Variants in AFG2A observed in about 807,000 individuals in gnomAD.
AFG2A encodes ATPase family gene 2 protein homolog A.
chr4:123,075,361 C>A, the AFG2A span, among the ~76,000 whole-genome samples: 3 of 151,180 alleles, frequency 2.0e-5, no homozygotes, highest in Non-Finnish European at 4.4e-5. Context: ...ATGATTTACG[C>A]AATCTTGGCT....
chr4:122,929,301 A>G, the AFG2A span: 1 of 1,346,916 alleles, frequency 7.4e-7, no homozygotes, highest in Non-Finnish European at 9.8e-7. Context: ...TTCTTGTAAC[A>G]TTTTAAAAAG....
chr4:123,254,278 C>G, the AFG2A span, among the ~76,000 whole-genome samples: 1 of 151,972 alleles, frequency 6.6e-6, no homozygotes, highest in Non-Finnish European at 1.5e-5. Flanking sequence ...TCATACATTT[C>G]AAGTTTATTT....
chr4:123,038,212 C>T, the AFG2A span, among the ~76,000 whole-genome samples: 1 of 152,088 alleles, frequency 6.6e-6, no homozygotes, highest in Non-Finnish European at 1.5e-5. Flanking sequence ...AATTACTTCA[C>T]CTCTTTGCAC....
chr4:122,987,068 A>G, the AFG2A span, among the ~76,000 whole-genome samples: 65,340 of 152,048 alleles, frequency 0.43, 17,004 homozygotes, highest in Non-Finnish European at 0.57. Flanking sequence ...ATCATTATAT[A>G]ATGACCTTGT....
chr4:123,084,580 G>GTATATA, the AFG2A span, among the ~76,000 whole-genome samples: 1 of 132,284 alleles, frequency 7.6e-6, no homozygotes, highest in East Asian at 2.1e-4. Flanking sequence ...TATGTAAATA[G>GTATATA]TATATATATA....
At chr4:123,057,353 T>C in the AFG2A span, 2 of 1,492,414 alleles carry the variant, frequency 1.3e-6, no homozygotes, top group South Asian at 2.3e-5. Context: ...ATAGCAATTA[T>C]GGTATAAATA....
At chr4:123,052,525 T>G in the AFG2A span, among the ~76,000 whole-genome samples, 1 of 152,162 alleles carries the variant, frequency 6.6e-6, no homozygotes, top group Non-Finnish European at 1.5e-5. Flanking sequence ...AGGCTGTCTG[T>G]GCATTGAGGG....
the AFG2A span, among the ~76,000 whole-genome samples, chr4:123,010,442 G>A: frequency 3.3e-5 from 5 of 152,082 alleles, no homozygotes; most frequent in South Asian, 4.2e-4. Context: ...TGTAGAGACC[G>A]TGTCAGTTTT....
chr4:123,021,193 C>G, the AFG2A span, among the ~76,000 whole-genome samples: 1 of 151,606 alleles, frequency 6.6e-6, no homozygotes, highest in Non-Finnish European at 1.5e-5. Flanking sequence ...GTACCTTTCC[C>G]AAGCTAGTTA....
At chr4:123,195,036 T>C in the AFG2A span, among the ~76,000 whole-genome samples, 1 of 152,218 alleles carries the variant, frequency 6.6e-6, no homozygotes, top group South Asian at 2.1e-4. Flanking sequence ...TCCTTGTTTC[T>C]TAAACATCAA....
the AFG2A span, among the ~76,000 whole-genome samples, chr4:123,121,836 C>A: frequency 6.6e-6 from 1 of 152,170 alleles, no homozygotes; most frequent in African/African-American, 2.4e-5. Context: ...GAGTCAAATT[C>A]CATAGACCTT....
chr4:123,087,996 A>G, the AFG2A span, among the ~76,000 whole-genome samples: 2 of 152,188 alleles, frequency 1.3e-5, no homozygotes, highest in Non-Finnish European at 2.9e-5. Flanking sequence ...TCTCAAAAAC[A>G]CAAATCTGAT....
the AFG2A span, among the ~76,000 whole-genome samples, chr4:123,164,200 A>G: frequency 6.6e-6 from 1 of 152,112 alleles, no homozygotes; most frequent in Admixed American, 6.5e-5. Flanking sequence ...TCTAACCCAT[A>G]GTGATTTTTC....
the AFG2A span, among the ~76,000 whole-genome samples, chr4:123,157,229 G>C: frequency 6.0e-5 from 9 of 151,218 alleles, no homozygotes; most frequent in Non-Finnish European, 1.2e-4. Flanking sequence ...TCACCATGTT[G>C]GCCAAGCTGG....
the AFG2A span, among the ~76,000 whole-genome samples, chr4:123,030,254 G>A: frequency 6.6e-6 from 1 of 152,084 alleles, no homozygotes; most frequent in Non-Finnish European, 1.5e-5. Flanking sequence ...TTACAAACTA[G>A]TATCTTACTT....
chr4:122,955,900 C>T, the AFG2A span, among the ~76,000 whole-genome samples: 3 of 152,040 alleles, frequency 2.0e-5, no homozygotes, highest in East Asian at 3.9e-4. Flanking sequence ...TGGGCCTGGT[C>T]GTAGAAATGG....
chr4:122,991,346 T>C, the AFG2A span, among the ~76,000 whole-genome samples: 2 of 152,268 alleles, frequency 1.3e-5, no homozygotes, highest in African/African-American at 2.4e-5. Flanking sequence ...ACCTTATCTA[T>C]ATTAAGAAAT....
At chr4:123,014,436 A>G in the AFG2A span, among the ~76,000 whole-genome samples, 2 of 152,028 alleles carry the variant, frequency 1.3e-5, no homozygotes, top group South Asian at 2.1e-4. Context: ...AAAAGTAGGT[A>G]GTTTTTTAAA....
At chr4:123,233,070 T>C in the AFG2A span, among the ~76,000 whole-genome samples, 6 of 152,086 alleles carry the variant, frequency 3.9e-5, no homozygotes, top group Non-Finnish European at 7.4e-5. Flanking sequence ...GAACTGCCTA[T>C]TTAAGAACTT....
Sources: gnomAD v4.1 joint callset for allele counts (sites outside exome capture counted in the v4.1 genomes callset) on GRCh38, gnomAD v4.1.1 for gene constraint, MANE v1.5 for transcripts, NCBI Gene and HGNC (gene_info 2026-07-23, HGNC 2026-07-21) for gene names.